MN1: variants seen among roughly 807,000 people sequenced by gnomAD.
MN1 encodes transcriptional activator MN1.
In MN1, 19 loss-of-function variants were observed where a neutral mutation model predicts 86.9. The ratio of observed to expected loss-of-function variants is 0.22; its 90% CI spans 0.15 to 0.32. The LOEUF is 0.32. Ranked by LOEUF, MN1 falls within the 10% of genes least tolerant of loss-of-function variation. The probability of loss-of-function intolerance (pLI) is 1.00; values close to 1 mark genes in which losing one functional copy is unlikely to be tolerated. For missense variants in MN1, 1,841 were observed against 1,862.0 expected, an observed-to-expected ratio of 0.99 and a Z score of 0.21; for synonymous variants, 928 against 849.6, an observed-to-expected ratio of 1.09 and a Z score of -1.60.
chr22:27,767,027 C>T (rs1932874996), intron 1 of MN1, among the ~76,000 whole-genome samples: 2 of 152,188 alleles, frequency 1.3e-5, no homozygotes. Flanking sequence ...TGACACCTCA[C>T]ACCAACCCTA....
intron 1 of MN1, among the ~76,000 whole-genome samples, chr22:27,794,676 A>G (rs533222343): frequency 4.7e-4 from 72 of 152,306 alleles, no homozygotes; most frequent in African/African-American, 1.6e-3. Context: ...AGGACTGGAA[A>G]GGGGATGGGG....
chr22:27,762,726 C>T (rs887343522), intron 1 of MN1, among the ~76,000 whole-genome samples: 3 of 151,990 alleles, frequency 2.0e-5, no homozygotes, highest in Admixed American at 6.6e-5. Flanking sequence ...TGACACCTCA[C>T]TGAACTCCTA....
At chr22:27,779,209 C>A (rs1933019811) in intron 1 of MN1, among the ~76,000 whole-genome samples, 1 of 152,194 alleles carries the variant, frequency 6.6e-6, no homozygotes, top group Admixed American at 6.5e-5. Context: ...TGCACTCCTG[C>A]AACAAAGCAC....
intron 1 of MN1, among the ~76,000 whole-genome samples, chr22:27,756,617 G>A (rs1037457923): frequency 2.0e-5 from 3 of 152,136 alleles, no homozygotes; most frequent in African/African-American, 7.2e-5. Flanking sequence ...TCTCTAGTAC[G>A]GGAGGAGTAA....
At position 27,797,150 on chromosome 22, in the gene MN1, GGCCCGGAGT is replaced by G. The variant is rs751461328; in HGVS notation, c.3385_3393del (p.Thr1129_Gly1131del). 5 of 1,567,640 alleles carry G rather than the reference GGCCCGGAGT, an allele frequency of 3.2e-6. No homozygotes were observed. In the Middle Eastern group the frequency reaches 8.3e-4, roughly 261 times the overall value. On this transcript the variant is annotated inframe_deletion, in exon 1 of 2. Coordinates refer to ENST00000302326, the MANE Select transcript of MN1 (RefSeq NM_002430.3). ...CTCGTCGGGGTGCGGACCTGCTCCA[GGCCCGGAGT>G]GCCCGGATGGCCCGGGCCCCCACCG...
chr22:27,797,244 C>CG lies in MN1; in HGVS notation c.3299dup (p.Pro1101AlafsTer10). ...ACATGATGCCCAGGCCGAGGGCGGG[C>CG]GGGGGCGCCTTCGGTCCGTGTTCCC... On this transcript the variant is annotated frameshift_variant, in exon 1 of 2. Transcript: ENST00000302326. LOFTEE classifies it high-confidence loss of function. 1 of 1,572,634 alleles carries CG rather than the reference C, an allele frequency of 6.4e-7. No homozygotes were observed. The highest frequency in any genetic ancestry group is 8.6e-7 in the Non-Finnish European group (1 of 1,166,080).
chr22:27,748,936 A>C lies in MN1; in HGVS notation c.*1979T>G. On this transcript the variant is annotated 3_prime_UTR_variant, in exon 2 of 2. Coordinates refer to ENST00000302326, the MANE Select transcript of MN1 (RefSeq NM_002430.3). Reference sequence around the variant, plus strand: ...CACTGCAGAATCAGAGGGGTCATGGAGTCTTGCCCAGAATACGGTCAACTC... The same window carrying C: ...CACTGCAGAATCAGAGGGGTCATGGCGTCTTGCCCAGAATACGGTCAACTC... The C allele has an allele frequency of 4.3e-6, 1 of 230,700 alleles. No individual in the cohort carries two copies. Among genetic ancestry groups the C allele is most frequent in the Non-Finnish European group, 8.6e-6 (1 of 116,484 alleles). 14.3% of individuals were successfully genotyped at this position (230,700 alleles called of 1,614,324 possible).
At chr22:27,757,475 C>T in intron 1 of MN1, among the ~76,000 whole-genome samples, 1 of 152,210 alleles carries the variant, frequency 6.6e-6, no homozygotes, top group East Asian at 1.9e-4. Flanking sequence ...CCAGGCAGAG[C>T]TTGAGAATGA....
Position 27,798,073 on chromosome 22 carries a change from C to G in MN1, c.2471G>C (p.Cys824Ser). ...GCAAGCGGTGGAGAGCGCAGCCAGG[C>G]AGCTCTGGCCGAACAGGTTGTCCTT... ...SSKDNLFGQS[C>S]LAALSTACQN... The change falls in exon 1 of 2, where the codon TGC becomes TCC. Residue 824 changes from cysteine (C) to serine (S), a missense_variant. Cys to Ser is a moderately radical substitution (Grantham distance 112). Coordinates refer to ENST00000302326, the MANE Select transcript of MN1 (RefSeq NM_002430.3). The G allele has an allele frequency of 1.9e-6, 3 of 1,611,244 alleles. No individual in the cohort carries two copies. The highest frequency in any genetic ancestry group is 2.5e-6 in the Non-Finnish European group (3 of 1,179,860).
chr22:27,767,519 TAA>T (rs528653369), intron 1 of MN1, among the ~76,000 whole-genome samples: 9 of 151,998 alleles, frequency 5.9e-5, no homozygotes, highest in Non-Finnish European at 1.0e-4. Flanking sequence ...GTGCCTGTAA[TAA>T]AGACAAAAAT....
chr22:27,774,769 T>C (rs573169463), intron 1 of MN1, among the ~76,000 whole-genome samples: 1 of 152,260 alleles, frequency 6.6e-6, no homozygotes, highest in Admixed American at 6.5e-5. Context: ...AAACTGAGGC[T>C]TAGACATAGC....
chr22:27,792,332 AT>A (rs1217174063), intron 1 of MN1, among the ~76,000 whole-genome samples: 1 of 144,376 alleles, frequency 6.9e-6, no homozygotes, highest in African/African-American at 2.5e-5. Context: ...ATATATATAT[AT>A]ATATATATAT....
Position 27,798,437 on chromosome 22 carries a change from C to G in MN1, c.2107G>C (p.Gly703Arg). The change falls in exon 1 of 2, where the codon GGG becomes CGG. Residue 703 changes from glycine to arginine, a missense_variant. Transcript: ENST00000302326. ...TGACCCAGGCCTCCCAGACTGCCCCCGAACTGCAGGCCCGGTGAAGGCAGC... is the reference window on the plus strand; with the variant it reads ...TGACCCAGGCCTCCCAGACTGCCCCGGAACTGCAGGCCCGGTGAAGGCAGC... Reference protein sequence around the residue: ...PALPSPGLQFGGSLGGLGQLQ... With the variant: ...PALPSPGLQFRGSLGGLGQLQ... The G allele has an allele frequency of 6.4e-7, 1 of 1,556,606 alleles. No individual in the cohort carries two copies. The highest frequency in any genetic ancestry group is 8.6e-7 in the Non-Finnish European group (1 of 1,160,550).
intron 1 of MN1, among the ~76,000 whole-genome samples, chr22:27,763,763 A>G (rs1395637404): frequency 6.6e-6 from 1 of 152,180 alleles, no homozygotes; most frequent in Non-Finnish European, 1.5e-5. Context: ...CACAGGTTCC[A>G]CCACCTTCCA....
In MN1 at chr22:27,749,712, C is replaced by A. The variant is rs975829337; in HGVS notation, c.*1203G>T. The stretch of plus-strand genomic sequence containing the variant: ...GGAATCAAAGTCATTTCATTCTATT[C>A]TCTTTCTCTGTCCTCTAGCCCTCAG... On this transcript the variant is annotated 3_prime_UTR_variant, in exon 2 of 2. Coordinates refer to ENST00000302326, the MANE Select transcript of MN1 (RefSeq NM_002430.3). 8.6e-6 allele frequency: 2 copies of A among 231,538 alleles called. No homozygotes were observed. Among genetic ancestry groups the A allele is most frequent in the East Asian group, 6.1e-5 (1 of 16,378 alleles). 14.3% of individuals were successfully genotyped at this position (231,538 alleles called of 1,614,324 possible).
intron 1 of MN1, among the ~76,000 whole-genome samples, chr22:27,755,804 G>A (rs1186270130): frequency 1.3e-5 from 2 of 152,292 alleles, no homozygotes; most frequent in African/African-American, 4.8e-5. Flanking sequence ...AAGGGAAGGA[G>A]AGAACCAGGA....
chr22:27,792,551 C>T (rs372406884), intron 1 of MN1, among the ~76,000 whole-genome samples: 1 of 151,768 alleles, frequency 6.6e-6, no homozygotes, highest in Non-Finnish European at 1.5e-5. Flanking sequence ...TGTCAGGAGG[C>T]GGGCAAAGTA....
intron 1 of MN1, among the ~76,000 whole-genome samples, chr22:27,790,187 C>T (rs1933191552): frequency 1.3e-5 from 2 of 152,250 alleles, no homozygotes; most frequent in African/African-American, 4.8e-5. Context: ...ATCCCGAGAA[C>T]ATGATGCCTT....
chr22:27,770,720 G>A (rs918577204), intron 1 of MN1, among the ~76,000 whole-genome samples: 3 of 143,610 alleles, frequency 2.1e-5, no homozygotes, highest in Non-Finnish European at 4.4e-5. Context: ...GAGCAGTGGC[G>A]CAATCACAGC....
Sources: allele counts gnomAD v4.1 joint callset (sites outside exome capture counted in the v4.1 genomes callset), GRCh38; gene constraint gnomAD v4.1.1; transcripts MANE v1.5; gene names NCBI Gene and HGNC (gene_info 2026-07-23, HGNC 2026-07-21).